Variants in TMEM178B observed in about 807,000 individuals in gnomAD.
TMEM178B encodes the protein transmembrane protein 178B.
TMEM178B carries 5 observed loss-of-function variants against 31.0 expected under a neutral mutation model. The ratio of observed to expected loss-of-function variants is 0.16; its 90% CI spans 0.08 to 0.34. The LOEUF is 0.34. Ranked by LOEUF, TMEM178B falls within the 10% of genes least tolerant of loss-of-function variation. The pLI, the probability that TMEM178B is intolerant of heterozygous loss-of-function variation, is 1.00. For missense variants in TMEM178B, 275 were observed against 400.3 expected (o/e 0.69, Z 2.67); for synonymous variants, 164 against 164.0 (o/e 1.00, Z 0.00).
the TMEM178B span, among the ~76,000 whole-genome samples, chr7:141,490,847 T>C: frequency 6.6e-6 from 1 of 152,190 alleles, no homozygotes; most frequent in Non-Finnish European, 1.5e-5. Flanking sequence ...ATGTGTTTTT[T>C]AATTCACTCC....
intron 1 of TMEM178B, among the ~76,000 whole-genome samples, chr7:141,155,796 G>A (rs1335043874): frequency 2.6e-5 from 4 of 152,206 alleles, no homozygotes; most frequent in African/African-American, 9.7e-5. Flanking sequence ...CGGGCGTGGT[G>A]GCTCACATCT....
At chr7:141,324,416 GTTTTTTTTT>G (rs56316531) in intron 2 of TMEM178B, among the ~76,000 whole-genome samples, 9 of 85,728 alleles carry the variant, frequency 1.0e-4, no homozygotes, top group African/African-American at 2.8e-4. Context: ...GGAGACCAGG[GTTTTTTTTT>G]TTTTTTTTTT....
chr7:141,302,639 T>C (rs1467716821), intron 2 of TMEM178B, among the ~76,000 whole-genome samples: 1 of 152,130 alleles, frequency 6.6e-6, no homozygotes, highest in Non-Finnish European at 1.5e-5. Context: ...AAAACATGGT[T>C]GAGATGGCAA....
rs115705742 is a variant in TMEM178B at position 141,102,314 on chromosome 7, A to C, written c.382+27622A>C. 8.8e-3 allele frequency among the ~76,000 whole-genome samples: 1,344 copies of C among 152,300 alleles called. 22 individuals carry two copies. The highest frequency in any genetic ancestry group is 0.03 in the African/African-American group (1,264 of 41,542). On this transcript the variant is annotated intron_variant, in intron 1 of 3. Transcript: ENST00000565468. ...ACTATCTAAAACCTTTCTCTTATGA[A>C]GAAAGGTTTTTATTCATAGGCTTTG... is the stretch of plus-strand genomic sequence containing the variant.
rs149071705 is a variant in TMEM178B at position 141,368,437 on chromosome 7, A to G, written c.497-69171A>G. Among the ~76,000 whole-genome samples the G allele has an allele frequency of 2.5e-3, 387 of 152,394 alleles. 1 individual carries two copies. Among genetic ancestry groups the G allele is most frequent in the African/African-American group, 6.9e-3 (287 of 41,596 alleles). On this transcript the variant is annotated intron_variant, in intron 2 of 3. Coordinates refer to ENST00000565468, the MANE Select transcript of TMEM178B (RefSeq NM_001195278.2). Reference sequence around the variant, plus strand: ...ATAAAGTGCATAAAGTGTATTTATCATAAGTGTACACCTCATTGGATTTTT... The same window carrying G: ...ATAAAGTGCATAAAGTGTATTTATCGTAAGTGTACACCTCATTGGATTTTT...
intron 1 of TMEM178B, among the ~76,000 whole-genome samples, chr7:141,154,993 G>A (rs1006834115): frequency 2.6e-5 from 4 of 152,112 alleles, no homozygotes. Flanking sequence ...GCCTCCCAAA[G>A]TGCTAGGATT....
chr7:141,404,377 G>A (rs1800843829), intron 2 of TMEM178B, among the ~76,000 whole-genome samples: 1 of 152,194 alleles, frequency 6.6e-6, no homozygotes, highest in Non-Finnish European at 1.5e-5. Flanking sequence ...TTTAGAGGCT[G>A]GAAGTGCAGA....
intron 2 of TMEM178B, among the ~76,000 whole-genome samples, chr7:141,242,404 A>G (rs933050919): frequency 1.3e-5 from 2 of 151,852 alleles, no homozygotes; most frequent in Non-Finnish European, 2.9e-5. Context: ...GAAACAAACA[A>G]TATAAACAGA....
chr7:141,226,867 AAAAAAAAG>A (rs1355935602), intron 2 of TMEM178B, among the ~76,000 whole-genome samples: 2 of 121,744 alleles, frequency 1.6e-5, no homozygotes, highest in Non-Finnish European at 3.4e-5. Flanking sequence ...CTGAAAAAAA[AAAAAAAAG>A]AAAAAGAAAA....
intron 1 of TMEM178B, among the ~76,000 whole-genome samples, chr7:141,194,934 C>T (rs574342453): frequency 1.3e-5 from 2 of 152,350 alleles, no homozygotes; most frequent in East Asian, 3.9e-4. Flanking sequence ...CTTGGGGCTT[C>T]CACCCACTGA....
At chr7:141,415,529 C>G (rs1426813426) in intron 2 of TMEM178B, 1 of 152,628 alleles carries the variant, frequency 6.6e-6, no homozygotes, top group African/African-American at 2.4e-5. Flanking sequence ...TGCCTGGGTT[C>G]AAGGGAAGAA....
intron 2 of TMEM178B, among the ~76,000 whole-genome samples, chr7:141,375,780 G>T (rs1800201977): frequency 6.6e-6 from 1 of 152,214 alleles, no homozygotes; most frequent in Non-Finnish European, 1.5e-5. Context: ...GTATTAATTA[G>T]GAGGTAGGGA....
chr7:141,282,862 AAAG>A (rs1000082099), intron 2 of TMEM178B, among the ~76,000 whole-genome samples: 4 of 152,342 alleles, frequency 2.6e-5, no homozygotes, highest in African/African-American at 4.8e-5. Flanking sequence ...TTGGGATGAA[AAAG>A]AAGGACAGGA....
intron 2 of TMEM178B, among the ~76,000 whole-genome samples, chr7:141,400,249 CA>C (rs1479390258): frequency 6.6e-6 from 1 of 152,166 alleles, no homozygotes; most frequent in Non-Finnish European, 1.5e-5. Context: ...CAACAGGTGA[CA>C]AAGACAAAGA....
At chr7:141,361,015 A>G (rs1417507034) in intron 2 of TMEM178B, among the ~76,000 whole-genome samples, 2 of 152,218 alleles carry the variant, frequency 1.3e-5, no homozygotes, top group Non-Finnish European at 2.9e-5. Flanking sequence ...GGAACAATCA[A>G]TGAATAGGTC....
chr7:141,186,140 A>G (rs1400623331), intron 1 of TMEM178B, among the ~76,000 whole-genome samples: 1 of 152,148 alleles, frequency 6.6e-6, no homozygotes, highest in Non-Finnish European at 1.5e-5. Flanking sequence ...GAAAGCCATT[A>G]TCAACTTGTA....
rs544823863 is a variant in TMEM178B, at chr7:141,390,566, C to T, written c.497-47042C>T. Among the ~76,000 whole-genome samples the T allele has an allele frequency of 8.2e-4, 125 of 152,346 alleles. 1 individual carries two copies. Among genetic ancestry groups the T allele is most frequent in the African/African-American group, 2.8e-3 (117 of 41,578 alleles). On this transcript the variant is annotated intron_variant, in intron 2 of 3. Coordinates refer to ENST00000565468, the MANE Select transcript of TMEM178B (RefSeq NM_001195278.2). ...TGGTATCCCAGTGGGGTTTGAAGAA[C>T]GCATGTCACATTCTACAATTTGGTT...
intron 3 of TMEM178B, among the ~76,000 whole-genome samples, chr7:141,464,850 T>C (rs1313216308): frequency 3.9e-5 from 6 of 152,102 alleles, no homozygotes; most frequent in Admixed American, 3.3e-4. Flanking sequence ...TGGCCAGGGT[T>C]ATGCCTGGCA....
intron 1 of TMEM178B, among the ~76,000 whole-genome samples, chr7:141,100,203 A>C (rs1795031630): frequency 6.6e-6 from 1 of 150,670 alleles, no homozygotes; most frequent in Non-Finnish European, 1.5e-5. Flanking sequence ...CACATCTGTA[A>C]CATCTTTTTT....
Sources: allele counts gnomAD v4.1 joint callset (sites outside exome capture counted in the v4.1 genomes callset), GRCh38; gene constraint gnomAD v4.1.1; transcripts MANE v1.5; gene names NCBI Gene and HGNC (gene_info 2026-07-23, HGNC 2026-07-21).